Variants in GINS1 observed in about 807,000 individuals in gnomAD.
GINS1 encodes GINS complex subunit 1, also known as DNA replication complex GINS protein PSF1.
In GINS1, 26 loss-of-function variants were observed where a neutral mutation model predicts 34.9. That is an observed-to-expected ratio of 0.74 (90% CI 0.55 to 1.03). GINS1 has a LOEUF of 1.03. GINS1 is among the 50% of genes least tolerant of loss of function. GINS1 has a pLI of 0.00. For synonymous variants in GINS1, 97 were observed against 84.4 expected (o/e 1.15, Z -0.82); for missense variants, 235 against 237.9 (o/e 0.99, Z 0.08).
chr20:25,413,302 G>T (rs2090298544), intron 1 of GINS1, among the ~76,000 whole-genome samples: 1 of 152,112 alleles, frequency 6.6e-6, no homozygotes, highest in Non-Finnish European at 1.5e-5. Context: ...ACCCGCCTCA[G>T]CCTTCCAAAG....
chr20:25,431,038 C>T (rs555230067), intron 5 of GINS1, among the ~76,000 whole-genome samples: 4 of 152,140 alleles, frequency 2.6e-5, no homozygotes, highest in Non-Finnish European at 5.9e-5. Flanking sequence ...GCCATCAGCT[C>T]TAGGGTTTTC....
intron 2 of GINS1, 64 bp downstream of exon 2, chr20:25,413,918 G>A (rs1337830850): frequency 2.0e-5 from 20 of 976,082 alleles, no homozygotes; most frequent in South Asian, 6.4e-5. Flanking sequence ...TTGGCCGGGC[G>A]CGGTGGCTCA....
rs771548815 is a variant in GINS1 at position 25,418,113 on chromosome 20, G to A, written c.248G>A (p.Arg83His). The A allele has an allele frequency of 2.4e-5, 38 of 1,586,230 alleles. No individual in the cohort carries two copies. The highest frequency in any genetic ancestry group is 2.2e-5 in the East Asian group (1 of 44,808). ...RRCTVAYLYDRLLRIRALRWE... is the reference protein window; with the variant it reads ...RRCTVAYLYDHLLRIRALRWE... Reference sequence around the variant, plus strand: ...CCTTCTTGATGTCCTAGGTATGACCGCTTGCTTCGGATCAGAGCACTCAGA... The same window carrying A: ...CCTTCTTGATGTCCTAGGTATGACCACTTGCTTCGGATCAGAGCACTCAGA... Residue 83 changes from arginine to histidine, a missense_variant, in exon 4 of 7, where the codon CGC becomes CAC. Transcript: ENST00000262460.
intron 4 of GINS1, among the ~76,000 whole-genome samples, chr20:25,424,146 T>C (rs999042637): frequency 6.6e-6 from 1 of 152,194 alleles, no homozygotes; most frequent in Admixed American, 6.5e-5. Context: ...ATGGGAGGAC[T>C]TTTTCTTCTG....
intron 1 of GINS1, 93 bp downstream of exon 1, chr20:25,407,988 T>G: frequency 1.1e-6 from 1 of 892,524 alleles, no homozygotes; most frequent in East Asian, 2.6e-5. Flanking sequence ...CTTTCGCACC[T>G]TGTTCCCTCC....
chr20:25,419,635 AT>A, intron 4 of GINS1: 3 of 822,044 alleles, frequency 3.6e-6, no homozygotes, highest in Non-Finnish European at 4.8e-6. Context: ...AGCTTTAATG[AT>A]TTTTCTCATA....
chr20:25,432,460 GC>G (rs1837871700), intron 5 of GINS1, among the ~76,000 whole-genome samples: 1 of 151,342 alleles, frequency 6.6e-6, no homozygotes, highest in Non-Finnish European at 1.5e-5. Flanking sequence ...GCACCACCAC[GC>G]CCGGCTAATT....
rs1373698100 is a variant in GINS1 at position 25,448,401 on chromosome 20, A to AAAT, written c.*2411_*2413dup. 3.9e-5 allele frequency: 6 copies of AAAT among 152,206 alleles called. 1 individual carries two copies. Among genetic ancestry groups the AAAT allele is most frequent in the African/African-American group, 1.4e-4 (6 of 41,454 alleles). 9.4% of individuals were successfully genotyped at this position (152,206 alleles called of 1,614,324 possible). On this transcript the variant is annotated 3_prime_UTR_variant, in exon 7 of 7. Transcript: ENST00000262460. ...AGTTTTGATGCTAAATGGTATTTTAAAATTTCAAATTCTAACCACTTGTTG... is the reference window on the plus strand; with the variant it reads ...AGTTTTGATGCTAAATGGTATTTTAAAATAATTTCAAATTCTAACCACTTGTTG...
intron 1 of GINS1, chr20:25,409,011 G>A: frequency 3.0e-6 from 3 of 985,280 alleles, no homozygotes; most frequent in Non-Finnish European, 3.6e-6. Context: ...GTATGAGCTG[G>A]GGTAGAAGAG....
intron 5 of GINS1, among the ~76,000 whole-genome samples, chr20:25,430,377 TG>T (rs779183882): frequency 1.2e-4 from 19 of 152,266 alleles, no homozygotes; most frequent in Admixed American, 1.3e-4. Context: ...GAAATGATCA[TG>T]TTTTTTTCCC....
intron 5 of GINS1, among the ~76,000 whole-genome samples, chr20:25,434,584 C>T (rs946245540): frequency 3.3e-5 from 5 of 152,052 alleles, no homozygotes; most frequent in Non-Finnish European, 7.4e-5. Flanking sequence ...GTAGCTATGA[C>T]TACGGGCATG....
rs1394703627 is a variant in GINS1, at chr20:25,418,118, C to A, written c.253C>A (p.Leu85Ile). 6.3e-7 allele frequency: 1 copy of A among 1,594,772 alleles called. No homozygotes were observed. Among genetic ancestry groups the A allele is most frequent in the South Asian group, 1.1e-5 (1 of 90,770 alleles). The change falls in exon 4 of 7, where the codon CTT (leucine) becomes ATT (isoleucine). Residue 85 changes from leucine to isoleucine, a missense_variant. By Grantham distance (5) the Leu-to-Ile change is conservative. Transcript: ENST00000262460. ...TTGATGTCCTAGGTATGACCGCTTG[C>A]TTCGGATCAGAGCACTCAGATGGGA... ...CTVAYLYDRL[L>I]RIRALRWEYG...
intron 1 of GINS1, among the ~76,000 whole-genome samples, chr20:25,408,719 A>T (rs886847914): frequency 6.6e-6 from 1 of 152,186 alleles, no homozygotes; most frequent in African/African-American, 2.4e-5. Context: ...TTTGATGTTT[A>T]AACTATTGTT....
At chr20:25,442,366 GTCTGTCTA>G (rs1170691341) in intron 6 of GINS1, among the ~76,000 whole-genome samples, 5 of 105,932 alleles carry the variant, frequency 4.7e-5, no homozygotes, top group East Asian at 7.2e-4. Flanking sequence ...CTGTCTGTCT[GTCTGTCTA>G]TCTATCTATC....
At chr20:25,424,802 T>G (rs144329435) in intron 4 of GINS1, among the ~76,000 whole-genome samples, 1 of 152,354 alleles carries the variant, frequency 6.6e-6, no homozygotes, top group African/African-American at 2.4e-5. Flanking sequence ...TAAATAATGT[T>G]CCATCATATG....
intron 1 of GINS1, among the ~76,000 whole-genome samples, chr20:25,408,414 A>G (rs993093307): frequency 6.6e-6 from 1 of 152,240 alleles, no homozygotes; most frequent in East Asian, 1.9e-4. Context: ...CCTCACATAC[A>G]GTAAGGGCTG....
chr20:25,411,847 G>A (rs1436771747), intron 1 of GINS1, among the ~76,000 whole-genome samples: 1 of 152,016 alleles, frequency 6.6e-6, no homozygotes, highest in Non-Finnish European at 1.5e-5. Flanking sequence ...GGCTAAGGCA[G>A]GAGAATCATT....
At chr20:25,444,248 C>G (rs1431589869) in intron 6 of GINS1, among the ~76,000 whole-genome samples, 1 of 151,514 alleles carries the variant, frequency 6.6e-6, no homozygotes, top group Non-Finnish European at 1.5e-5. Flanking sequence ...CTCCTGACCT[C>G]GTGATCCACC....
In GINS1 at chr20:25,447,934, C is replaced by G. The variant is rs1168014692; in HGVS notation, c.*1943C>G. ...TCACTTGAGCTCAGGAGTTCCAGAC[C>G]AGCCCGGGCCTATGGCAAAACTCCG... On this transcript the variant is annotated 3_prime_UTR_variant, in exon 7 of 7. Transcript: ENST00000262460. 6.6e-6 allele frequency: 1 copy of G among 152,150 alleles called. No individual in the cohort carries two copies. Among genetic ancestry groups the G allele is most frequent in the East Asian group, 1.9e-4 (1 of 5,190 alleles). The allele number at this position is 152,150 out of a possible 1,614,324, so 9.4% of individuals were successfully genotyped here.
Sources: allele counts gnomAD v4.1 joint callset (sites outside exome capture counted in the v4.1 genomes callset), GRCh38; gene constraint gnomAD v4.1.1; transcripts MANE v1.5; gene names NCBI Gene and HGNC (gene_info 2026-07-23, HGNC 2026-07-21).